PRKAR1B: variants seen among roughly 807,000 people sequenced by gnomAD.
PRKAR1B encodes protein kinase cAMP-dependent type I regulatory subunit beta, also known as cAMP-dependent protein kinase type I-beta regulatory subunit.
In PRKAR1B, 22 loss-of-function variants were observed where a neutral mutation model predicts 46.5. The ratio of observed to expected loss-of-function variants is 0.47; its 90% CI spans 0.34 to 0.68. The LOEUF is 0.68. Among genes scored for constraint, PRKAR1B ranks in the 30% least tolerant of loss-of-function variants. The pLI, the probability that PRKAR1B is intolerant of heterozygous loss-of-function variation, is 0.01. For missense variants in PRKAR1B, 445 were observed against 535.6 expected, an observed-to-expected ratio of 0.83 and a Z score of 1.67; for synonymous variants, 259 against 217.7, an observed-to-expected ratio of 1.19 and a Z score of -1.67.
intron 9 of PRKAR1B, among the ~76,000 whole-genome samples, chr7:564,327 C>A (rs1199457081): frequency 6.6e-6 from 1 of 152,214 alleles, no homozygotes; most frequent in Non-Finnish European, 1.5e-5. Context: ...CAGGTCCTCC[C>A]GTGGCTCCGT....
chr7:573,379 G>A (rs1392766488), intron 9 of PRKAR1B, among the ~76,000 whole-genome samples: 1 of 151,674 alleles, frequency 6.6e-6, no homozygotes, highest in African/African-American at 2.4e-5. Flanking sequence ...GGCACCCTGC[G>A]CAGCGCTCTG....
intron 9 of PRKAR1B, among the ~76,000 whole-genome samples, chr7:553,421 G>A (rs766269540): frequency 2.0e-5 from 3 of 152,194 alleles, no homozygotes; most frequent in Non-Finnish European, 2.9e-5. Context: ...CGCGTCTGCC[G>A]CAGAAGTGCA....
intron 4 of PRKAR1B, among the ~76,000 whole-genome samples, chr7:628,312 C>T (rs893974485): frequency 4.6e-5 from 7 of 152,248 alleles, no homozygotes; most frequent in African/African-American, 7.2e-5. Flanking sequence ...AAGTCAAAAT[C>T]GGGGACGTGG....
intron 4 of PRKAR1B, among the ~76,000 whole-genome samples, chr7:650,726 A>C (rs1267420781): frequency 6.6e-6 from 1 of 152,202 alleles, no homozygotes; most frequent in Non-Finnish European, 1.5e-5. Context: ...TGAAGCTCAG[A>C]GAGGTCATGT....
rs568767459 is a variant in PRKAR1B, at chr7:553,163, G to A, written c.892-1693C>T. Among the ~76,000 whole-genome samples the A allele has an allele frequency of 7.9e-5, 12 of 152,288 alleles. No individual in the cohort carries two copies. The South Asian group carries it at 1.9e-3, about 24-fold the overall frequency. ...GTGTCACTGTCCCCCCTGAGACTCCGCCTGCCGGGAACCTAGGAATGTCCC... is the reference window on the plus strand; with the variant it reads ...GTGTCACTGTCCCCCCTGAGACTCCACCTGCCGGGAACCTAGGAATGTCCC... On this transcript the variant is annotated intron_variant, in intron 9 of 10. Transcript: ENST00000537384.
At chr7:697,964 A>AGGAAG (rs1162009929) in intron 2 of PRKAR1B, among the ~76,000 whole-genome samples, 18 of 64,492 alleles carry the variant, frequency 2.8e-4, no homozygotes, top group Non-Finnish European at 5.3e-4. Flanking sequence ...AGGGAAGGGA[A>AGGAAG]GGAAGGGAAG....
In PRKAR1B at chr7:631,769, T is replaced by C. The variant is rs576127491; in HGVS notation, c.441-24317A>G. Among the ~76,000 whole-genome samples, 5 of 150,772 alleles carry C rather than the reference T, an allele frequency of 3.3e-5. No individual in the cohort carries two copies. In the South Asian group the frequency reaches 8.4e-4, roughly 25 times the overall value. On this transcript the variant is annotated intron_variant, in intron 4 of 10. Coordinates refer to ENST00000537384, the MANE Select transcript of PRKAR1B (RefSeq NM_001164760.2). ...GAGTTCCAGACCAGCCTGGCCAACATAGAGAGACCCCCATCTCTAAAAAAA... is the reference window on the plus strand; with the variant it reads ...GAGTTCCAGACCAGCCTGGCCAACACAGAGAGACCCCCATCTCTAAAAAAA...
At chr7:641,105 A>G (rs1027952087) in intron 4 of PRKAR1B, among the ~76,000 whole-genome samples, 3 of 151,954 alleles carry the variant, frequency 2.0e-5, no homozygotes, top group African/African-American at 7.3e-5. Flanking sequence ...GGTGCCCGCC[A>G]CCACGCCCGG....
At chr7:635,386 C>G (rs952882168) in intron 4 of PRKAR1B, among the ~76,000 whole-genome samples, 2 of 152,226 alleles carry the variant, frequency 1.3e-5, no homozygotes, top group African/African-American at 2.4e-5. Context: ...GCTCTGAAAA[C>G]AGGGGTCAGA....
intron 8 of PRKAR1B, among the ~76,000 whole-genome samples, chr7:583,453 CCA>C (rs1554287168): frequency 1.4e-5 from 2 of 142,126 alleles, no homozygotes; most frequent in Admixed American, 6.8e-5. Flanking sequence ...ACACTCACAC[CCA>C]CTCACACACG....
chr7:632,323 G>A (rs531010048), intron 4 of PRKAR1B, among the ~76,000 whole-genome samples: 10 of 152,030 alleles, frequency 6.6e-5, no homozygotes, highest in Non-Finnish European at 1.5e-4. Flanking sequence ...CACCCACCTC[G>A]CCGAAGCCGG....
intron 9 of PRKAR1B, among the ~76,000 whole-genome samples, chr7:566,686 C>T (rs796121934): frequency 0.35 from 25 of 72 alleles, 11 homozygotes; most frequent in Non-Finnish European, 0.46. Flanking sequence ...CCATCACCAT[C>T]ATCACCATCA....
chr7:658,271 C>CA (rs1346434745), intron 4 of PRKAR1B, among the ~76,000 whole-genome samples: 5 of 151,582 alleles, frequency 3.3e-5, no homozygotes, highest in South Asian at 4.2e-4. Flanking sequence ...CCCATCTCTA[C>CA]AAAAAAAATT....
chr7:650,071 G>T (rs936779169), intron 4 of PRKAR1B, among the ~76,000 whole-genome samples: 1 of 151,042 alleles, frequency 6.6e-6, no homozygotes, highest in Non-Finnish European at 1.5e-5. Flanking sequence ...TCCTGCCTCA[G>T]CCTCCTAGAG....
chr7:579,721 T>C (rs1274117588), intron 8 of PRKAR1B, among the ~76,000 whole-genome samples: 1 of 152,270 alleles, frequency 6.6e-6, no homozygotes, highest in East Asian at 1.9e-4. Flanking sequence ...AATACTTTTG[T>C]TACTTCAAAA....
intron 4 of PRKAR1B, among the ~76,000 whole-genome samples, chr7:621,714 T>G (rs1783116734): frequency 6.6e-6 from 1 of 152,262 alleles, no homozygotes; most frequent in Admixed American, 6.5e-5. Context: ...CCTCATCATG[T>G]GTGGTACAAG....
At chr7:562,948 G>A (rs146728011) in intron 9 of PRKAR1B, among the ~76,000 whole-genome samples, 3,348 of 152,280 alleles carry the variant, frequency 0.022, 53 homozygotes, top group South Asian at 0.035. Flanking sequence ...TCAATCTTTG[G>A]ATGAACAGAC....
rs943836141 is a variant in PRKAR1B at position 578,991 on chromosome 7, C to T, written c.891+265G>A. On this transcript the variant is annotated intron_variant, in intron 9 of 10. Coordinates refer to ENST00000537384, the MANE Select transcript of PRKAR1B (RefSeq NM_001164760.2). ...GCCGCCGCGCCCGGCCAGTTTCATG[C>T]AGTTTTATCACACGTGCAGCTCAGG... is the stretch of plus-strand genomic sequence containing the variant. 1.1e-5 allele frequency: 14 copies of T among 1,308,922 alleles called. 1 individual carries two copies. In the Admixed American group the frequency reaches 3.9e-4, roughly 37 times the overall value. The allele number at this position is 1,308,922 out of a possible 1,614,324, so 81.1% of individuals were successfully genotyped here.
intron 2 of PRKAR1B, among the ~76,000 whole-genome samples, chr7:699,775 A>G (rs1779964513): frequency 6.6e-6 from 1 of 152,252 alleles, no homozygotes; most frequent in Admixed American, 6.5e-5. Flanking sequence ...GGCAAGCAGG[A>G]GCCAGACCCC....
Sources: allele counts gnomAD v4.1 joint callset (sites outside exome capture counted in the v4.1 genomes callset), GRCh38; gene constraint gnomAD v4.1.1; transcripts MANE v1.5; gene names NCBI Gene and HGNC (gene_info 2026-07-23, HGNC 2026-07-21).